PSD3: variants seen among roughly 807,000 people sequenced by gnomAD.
PSD3 encodes PH and SEC7 domain-containing protein 3.
A neutral mutation model predicts 105.5 loss-of-function variants in PSD3; 49 were observed. The ratio of observed to expected loss-of-function variants is 0.46; its 90% CI spans 0.37 to 0.59. PSD3 has a LOEUF of 0.59. Ranked by LOEUF, PSD3 falls within the 20% of genes least tolerant of loss-of-function variation. PSD3 has a pLI of 0.00. For synonymous variants in PSD3, 557 were observed against 457.8 expected (o/e 1.22, Z -2.77); for missense variants, 1,561 against 1,263.8 (o/e 1.24, Z -3.57).
intron 12 of PSD3, among the ~76,000 whole-genome samples, chr8:18,579,251 T>C (rs1387429499): frequency 6.6e-6 from 1 of 152,160 alleles, no homozygotes; most frequent in Non-Finnish European, 1.5e-5. Context: ...GAGAGGATAG[T>C]GTTTAAATGG....
At chr8:18,762,377 A>G (rs1396019830) in intron 9 of PSD3, among the ~76,000 whole-genome samples, 1 of 152,218 alleles carries the variant, frequency 6.6e-6, no homozygotes, top group African/African-American at 2.4e-5. Context: ...TGCCAGCATC[A>G]GGCTTTCTGT....
At chr8:18,560,675 T>TA (rs1175309584) in intron 14 of PSD3, among the ~76,000 whole-genome samples, 2 of 152,174 alleles carry the variant, frequency 1.3e-5, no homozygotes, top group African/African-American at 4.8e-5. Context: ...AGGCAAGTTT[T>TA]CGAAGTCACT....
intron 9 of PSD3, among the ~76,000 whole-genome samples, chr8:18,758,715 C>T (rs1044520718): frequency 6.6e-6 from 1 of 151,998 alleles, no homozygotes; most frequent in African/African-American, 2.4e-5. Context: ...TTAAATTCTA[C>T]CTTCTTGGCT....
chr8:18,892,055 A>T (rs1586344535), intron 2 of PSD3, among the ~76,000 whole-genome samples: 1 of 152,192 alleles, frequency 6.6e-6, no homozygotes, highest in Admixed American at 6.5e-5. Flanking sequence ...CCCACATGTG[A>T]ACATAAAGAA....
chr8:18,943,468 G>A (rs1283655554), intron 1 of PSD3, among the ~76,000 whole-genome samples: 2 of 152,186 alleles, frequency 1.3e-5, no homozygotes, highest in African/African-American at 4.8e-5. Flanking sequence ...TGAAGCAAAT[G>A]ATCTAGTGAT....
chr8:18,564,718 G>A (rs1013031275), intron 14 of PSD3, among the ~76,000 whole-genome samples: 3 of 151,852 alleles, frequency 2.0e-5, no homozygotes, highest in Admixed American at 6.6e-5. Flanking sequence ...GCGCAGTGAA[G>A]GAAGCAACTA....
intron 9 of PSD3, among the ~76,000 whole-genome samples, chr8:18,711,227 T>G (rs534416891): frequency 1.2e-4 from 19 of 152,248 alleles, no homozygotes; most frequent in African/African-American, 4.6e-4. Flanking sequence ...GCAACTACAT[T>G]AACAAGTCTG....
At chr8:18,798,364 A>G (rs2129447011) in intron 8 of PSD3, among the ~76,000 whole-genome samples, 1 of 152,232 alleles carries the variant, frequency 6.6e-6, no homozygotes, top group African/African-American at 2.4e-5. Flanking sequence ...CTATCACTAT[A>G]TCTCCTGTTT....
intron 8 of PSD3, among the ~76,000 whole-genome samples, chr8:18,788,674 G>A (rs1809416754): frequency 6.6e-6 from 1 of 152,070 alleles, no homozygotes; most frequent in Non-Finnish European, 1.5e-5. Context: ...ATCATCCATT[G>A]GTAAAATCTG....
At chr8:18,578,807 G>C (rs1266817505) in intron 12 of PSD3, among the ~76,000 whole-genome samples, 2 of 151,726 alleles carry the variant, frequency 1.3e-5, no homozygotes, top group Non-Finnish European at 2.9e-5. Context: ...CACCTTGGAA[G>C]AACTGCACCA....
intron 9 of PSD3, among the ~76,000 whole-genome samples, chr8:18,664,178 T>G (rs142564966): frequency 0.017 from 2,537 of 152,288 alleles, 29 homozygotes; most frequent in Non-Finnish European, 0.024. Flanking sequence ...TCACTTTAAA[T>G]CAAAAGCTAG....
intron 1 of PSD3, chr8:18,940,565 A>G (rs1822469238): frequency 6.6e-6 from 1 of 152,146 alleles, no homozygotes; most frequent in Non-Finnish European, 1.5e-5. Context: ...AATAATATAA[A>G]ATTCATTCTG....
At chr8:18,795,980 G>A (rs999844505) in intron 8 of PSD3, among the ~76,000 whole-genome samples, 25 of 152,212 alleles carry the variant, frequency 1.6e-4, no homozygotes, top group African/African-American at 5.5e-4. Context: ...ATTTACATAA[G>A]TATTTTGTAG....
intron 11 of PSD3, among the ~76,000 whole-genome samples, chr8:18,609,629 A>G (rs947252932): frequency 3.3e-5 from 5 of 152,238 alleles, no homozygotes; most frequent in Admixed American, 3.3e-4. Flanking sequence ...GGCTACCTTG[A>G]TAAGAAGGGA....
chr8:19,081,433 G>A (rs1829642208), intron 1 of PSD3, among the ~76,000 whole-genome samples: 1 of 152,310 alleles, frequency 6.6e-6, no homozygotes, highest in East Asian at 1.9e-4. Context: ...CAGAGCCCTG[G>A]ACTGGGGGTA....
chr8:18,586,548 G>C (rs968289116), intron 12 of PSD3, among the ~76,000 whole-genome samples: 1 of 152,096 alleles, frequency 6.6e-6, no homozygotes, highest in African/African-American at 2.4e-5. Context: ...CAGTGGGTGG[G>C]GCAGGGGGTG....
intron 15 of PSD3, among the ~76,000 whole-genome samples, chr8:18,551,799 A>T (rs1426397545): frequency 6.6e-6 from 1 of 152,142 alleles, no homozygotes; most frequent in Non-Finnish European, 1.5e-5. Flanking sequence ...AAACACATAT[A>T]CCGAGAAGTA....
In PSD3 at chr8:18,534,260, T is replaced by C. The variant is rs568477506; in HGVS notation, c.*1483A>G. 4 of 152,710 alleles carry C rather than the reference T, an allele frequency of 2.6e-5. No homozygotes were observed. In the East Asian group the frequency reaches 7.7e-4, roughly 29 times the overall value. 9.5% of individuals were successfully genotyped at this position (152,710 alleles called of 1,614,324 possible). ...AGAAAAATCAAAGTGATACTATTAG[T>C]TCTGAAGTTGTGCCACTTGCGGAGA... On this transcript the variant is annotated 3_prime_UTR_variant, in exon 16 of 16. Coordinates refer to ENST00000327040, the MANE Select transcript of PSD3 (RefSeq NM_015310.4).
At chr8:18,788,540 C>T (rs1254250526) in intron 8 of PSD3, among the ~76,000 whole-genome samples, 2 of 152,192 alleles carry the variant, frequency 1.3e-5, no homozygotes, top group African/African-American at 4.8e-5. Flanking sequence ...AAGCTGACAA[C>T]AGCATATACT....
Sources: gnomAD v4.1 joint callset for allele counts (sites outside exome capture counted in the v4.1 genomes callset) on GRCh38, gnomAD v4.1.1 for gene constraint, MANE v1.5 for transcripts, NCBI Gene and HGNC (gene_info 2026-07-23, HGNC 2026-07-21) for gene names.